The following PANK3 variants were observed in gnomAD, a reference collection of about 807,000 sequenced individuals.
The protein encoded by PANK3 is hPanK3.
In PANK3, 20 loss-of-function variants were observed where a neutral mutation model predicts 39.4. That is an observed-to-expected ratio of 0.51 (90% confidence interval 0.36 to 0.74). The LOEUF is 0.74. PANK3 is among the 30% of genes least tolerant of loss of function. The probability of loss-of-function intolerance (pLI) is 0.00; values close to 1 mark genes in which losing one functional copy is unlikely to be tolerated. For missense variants in PANK3, 265 were observed against 437.0 expected (o/e 0.61, Z 3.51); for synonymous variants, 140 against 157.3 (o/e 0.89, Z 0.82).
chr5:168,561,312 G>A (rs1011802626), intron 5 of PANK3, 81 bp downstream of exon 5: 1 of 1,294,442 alleles, frequency 7.7e-7, no homozygotes, highest in South Asian at 1.8e-5. Context: ...CTTAGGGAAA[G>A]TGAAGAAGCC....
chr5:168,574,203 T>C (rs573540612), intron 1 of PANK3, among the ~76,000 whole-genome samples: 1,945 of 150,518 alleles, frequency 0.013, 44 homozygotes, highest in African/African-American at 0.046. Context: ...TTTTAATGAT[T>C]GCCATTCTAA....
At chr5:168,568,465 C>G (rs1166114216) in intron 2 of PANK3, among the ~76,000 whole-genome samples, 181 bp downstream of exon 2, 1 of 152,088 alleles carries the variant, frequency 6.6e-6, no homozygotes, top group South Asian at 2.1e-4. Flanking sequence ...ACAACATGAC[C>G]AAATCCGGGC....
At position 168,552,838 on chromosome 5, in the gene PANK3, G is replaced by A; in HGVS notation, c.*4733C>T. On this transcript the variant is annotated 3_prime_UTR_variant, in exon 7 of 7. Coordinates refer to ENST00000239231, the MANE Select transcript of PANK3 (RefSeq NM_024594.4). ...TCTATAGATTGGCTTCTCAACACCT[G>A]CATCCTTGAAGATTCTCATTGAGTA... 1 of 186,432 alleles carries A rather than the reference G, an allele frequency of 5.4e-6. No homozygotes were observed. The highest frequency in any genetic ancestry group is 1.1e-5 in the Non-Finnish European group (1 of 87,562). 11.5% of individuals were successfully genotyped at this position (186,432 alleles called of 1,614,324 possible).
At position 168,564,076 on chromosome 5, in the gene PANK3, T is replaced by C. The variant is rs1452074992; in HGVS notation, c.636-11A>G. ...GTACCCCCTCCAAGGCTAAAGAAAATAAAGAAACTTGCTAAGTTGCATTTA... is the reference window on the plus strand; with the variant it reads ...GTACCCCCTCCAAGGCTAAAGAAAACAAAGAAACTTGCTAAGTTGCATTTA... On this transcript the variant is annotated splice_polypyrimidine_tract_variant and intron_variant, in intron 3 of 6. Coordinates refer to ENST00000239231, the MANE Select transcript of PANK3 (RefSeq NM_024594.4). 1.9e-6 allele frequency: 3 copies of C among 1,575,410 alleles called. No individual in the cohort carries two copies. The African/African-American group carries it at 4.1e-5, about 22-fold the overall frequency.
chr5:168,550,706 T>TC lies in PANK3; in HGVS notation c.*6864dup, dbSNP rs1363367864. ...AATTATATAAGCACTAAATATTAAC[T>TC]CCAAAACATGACACCAAATACCTGA... On this transcript the variant is annotated 3_prime_UTR_variant, in exon 7 of 7. Transcript: ENST00000239231. 1 of 151,944 alleles carries TC rather than the reference T, an allele frequency of 6.6e-6. No individual in the cohort carries two copies. The highest frequency in any genetic ancestry group is 1.5e-5 in the Non-Finnish European group (1 of 67,968). 9.4% of individuals were successfully genotyped at this position (151,944 alleles called of 1,614,324 possible).
rs1759528160 is a variant in PANK3, at chr5:168,566,089, C to T, written c.559G>A (p.Val187Ile). 6.2e-7 allele frequency: 1 copy of T among 1,613,726 alleles called. No homozygotes were observed. Among genetic ancestry groups the T allele is most frequent in the Admixed American group, 1.7e-5 (1 of 59,954 alleles). The change falls in exon 3 of 7, where the codon GTA becomes ATA. Residue 187 changes from valine to isoleucine, a missense_variant. Physicochemically the swap from Val to Ile is conservative, Grantham distance 29. Around this residue, in one of 3 missense-constraint regions of PANK3, gnomAD observed 154 missense variants for 256.8 expected, o/e 0.60. Transcript: ENST00000239231. ...CTGACTCCTGAGCCAATGTTCACTA[C>T]AAGCAGTGGATAGGGATCATCCAGG... ...FNLDDPYPLL[V>I]VNIGSGVSIL...
chr5:168,579,179 G>C (rs1200021160), intron 1 of PANK3, 77 bp downstream of exon 1: 9 of 1,347,250 alleles, frequency 6.7e-6, no homozygotes, highest in African/African-American at 1.5e-5. Flanking sequence ...CTTGGAAGCC[G>C]ACCGCCCAGC....
chr5:168,556,750 T>A lies in PANK3; in HGVS notation c.*821A>T, dbSNP rs1245831771. On this transcript the variant is annotated 3_prime_UTR_variant, in exon 7 of 7. Coordinates refer to ENST00000239231, the MANE Select transcript of PANK3 (RefSeq NM_024594.4). Reference sequence around the variant, plus strand: ...GTTGTTTTAAAATAAAAGTTCTGAATGTATATATGACCAAAACAAACAAAC... The same window carrying A: ...GTTGTTTTAAAATAAAAGTTCTGAAAGTATATATGACCAAAACAAACAAAC... 2 of 152,658 alleles carry A rather than the reference T, an allele frequency of 1.3e-5. No individual in the cohort carries two copies. Among genetic ancestry groups the A allele is most frequent in the African/African-American group, 4.8e-5 (2 of 41,464 alleles). The allele number at this position is 152,658 out of a possible 1,614,324, so 9.5% of individuals were successfully genotyped here. A position where few individuals can be genotyped will look rare whatever the true frequency, so the allele number is the denominator to read the frequency against.
chr5:168,561,282 A>G (rs1759443238), intron 5 of PANK3, 111 bp downstream of exon 5: 1 of 914,880 alleles, frequency 1.1e-6, no homozygotes, highest in African/African-American at 1.7e-5. Context: ...AATGGGTTAC[A>G]TCTCAATCCC....
intron 2 of PANK3, among the ~76,000 whole-genome samples, chr5:168,566,648 T>C (rs1759540021): frequency 6.6e-6 from 1 of 152,216 alleles, no homozygotes; most frequent in Admixed American, 6.5e-5. Flanking sequence ...TTTATAATTA[T>C]CTGAGGCTAG....
At chr5:168,558,938 T>A in intron 6 of PANK3, 94 bp downstream of exon 6, 1 of 1,225,502 alleles carries the variant, frequency 8.2e-7, no homozygotes. Flanking sequence ...AAGCCATCAT[T>A]GTGCCACTAA....
intron 6 of PANK3, among the ~76,000 whole-genome samples, chr5:168,557,969 G>T (rs1759377478): frequency 6.6e-6 from 1 of 151,942 alleles, no homozygotes; most frequent in South Asian, 2.1e-4. Flanking sequence ...CTAAAAGTGT[G>T]GCCTTTAGAC....
At chr5:168,569,970 A>G (rs750404134) in intron 1 of PANK3, among the ~76,000 whole-genome samples, 22 of 152,134 alleles carry the variant, frequency 1.4e-4, no homozygotes, top group Non-Finnish European at 2.5e-4. Context: ...GGATCACTTG[A>G]GTCCAGGAGG....
At chr5:168,577,096 G>A (rs1162998882) in intron 1 of PANK3, among the ~76,000 whole-genome samples, 1 of 151,780 alleles carries the variant, frequency 6.6e-6, no homozygotes, top group Non-Finnish European at 1.5e-5. Context: ...GGTCAGGCTG[G>A]TCTCGAACTC....
rs967545768 is a variant in PANK3, at chr5:168,556,975, T to C, written c.*596A>G. 1.3e-5 allele frequency: 2 copies of C among 152,622 alleles called. No homozygotes were observed. The highest frequency in any genetic ancestry group is 4.8e-5 in the African/African-American group (2 of 41,434). The allele number at this position is 152,622 out of a possible 1,614,324, so 9.5% of individuals were successfully genotyped here. On this transcript the variant is annotated 3_prime_UTR_variant, in exon 7 of 7. Transcript: ENST00000239231. ...TTCATTTTAGAATTCTCATGAAAAT[T>C]TAATAATAGTATTTCAGTTAATTAT...
intron 2 of PANK3, among the ~76,000 whole-genome samples, chr5:168,567,646 T>A (rs1377423542): frequency 6.6e-6 from 1 of 152,140 alleles, no homozygotes; most frequent in Non-Finnish European, 1.5e-5. Context: ...TGAGACAGGG[T>A]CTCACTGTCA....
chr5:168,564,605 T>C (rs1561840842), intron 3 of PANK3, among the ~76,000 whole-genome samples: 1 of 152,050 alleles, frequency 6.6e-6, no homozygotes, highest in Non-Finnish European at 1.5e-5. Flanking sequence ...CTAATATATA[T>C]GTATATATTT....
In PANK3 at chr5:168,557,962, A is replaced by G. The variant is rs572596542; in HGVS notation, c.1063-341T>C. ...GGCTCACACTGAAATACGTATTCTAAAAGTGTGGCCTTTAGACACTAAAGC... is the reference window on the plus strand; with the variant it reads ...GGCTCACACTGAAATACGTATTCTAGAAGTGTGGCCTTTAGACACTAAAGC... On this transcript the variant is annotated intron_variant, in intron 6 of 6. Transcript: ENST00000239231. 5.3e-5 allele frequency among the ~76,000 whole-genome samples: 8 copies of G among 152,220 alleles called. No homozygotes were observed. The South Asian group carries it at 1.2e-3, about 24-fold the overall frequency.
Position 168,564,071 on chromosome 5 carries a change from G to A in PANK3, c.636-6C>T. ...GAAAGGTACCCCCTCCAAGGCTAAA[G>A]AAAATAAAGAAACTTGCTAAGTTGC... is the stretch of plus-strand genomic sequence containing the variant. On this transcript the variant is annotated splice_region_variant and splice_polypyrimidine_tract_variant and intron_variant, in intron 3 of 6. Transcript: ENST00000239231. The A allele has an allele frequency of 1.9e-6, 3 of 1,575,968 alleles. No individual in the cohort carries two copies. The highest frequency in any genetic ancestry group is 2.6e-6 in the Non-Finnish European group (3 of 1,167,238).
Sources: allele counts gnomAD v4.1 joint callset (sites outside exome capture counted in the v4.1 genomes callset), GRCh38; gene constraint gnomAD v4.1.1; regional missense constraint gnomAD v4.1.1; transcripts MANE v1.5; gene names NCBI Gene and HGNC (gene_info 2026-07-23, HGNC 2026-07-21).